Variants in PDE1C observed in about 807,000 individuals in gnomAD.
PDE1C encodes phosphodiesterase 1C, also known as dual specificity calcium/calmodulin-dependent 3',5'-cyclic nucleotide phosphodiesterase 1C.
PDE1C carries 62 observed loss-of-function variants against 93.1 expected under a neutral mutation model. The ratio of observed to expected loss-of-function variants is 0.67; its 90% CI spans 0.54 to 0.82. The LOEUF is 0.82. PDE1C is among the 40% of genes least tolerant of loss of function. The pLI, the probability that PDE1C is intolerant of heterozygous loss-of-function variation, is 0.00. For synonymous variants in PDE1C, 325 were observed against 310.1 expected, an observed-to-expected ratio of 1.05 and a Z score of -0.50; for missense variants, 742 against 884.6, an observed-to-expected ratio of 0.84 and a Z score of 2.04.
intron 1 of PDE1C, among the ~76,000 whole-genome samples, chr7:32,420,863 T>G (rs541648265): frequency 9.2e-5 from 14 of 152,252 alleles, no homozygotes; most frequent in African/African-American, 3.1e-4. Flanking sequence ...CATGGCTCAA[T>G]GTGAGAGTCC....
At chr7:31,852,385 A>C (rs973021671) in intron 7 of PDE1C, among the ~76,000 whole-genome samples, 1 of 152,234 alleles carries the variant, frequency 6.6e-6, no homozygotes, top group Non-Finnish European at 1.5e-5. Context: ...TCAAAGAGAA[A>C]ACAGACTAAG....
At chr7:32,410,863 C>A (rs1180844838) in intron 1 of PDE1C, among the ~76,000 whole-genome samples, 1 of 152,200 alleles carries the variant, frequency 6.6e-6, no homozygotes, top group Non-Finnish European at 1.5e-5. Context: ...TGGCTGTCCA[C>A]CTTTGCTAGT....
intron 2 of PDE1C, among the ~76,000 whole-genome samples, chr7:31,913,209 T>C (rs1382868552): frequency 2.6e-5 from 4 of 152,186 alleles, no homozygotes; most frequent in Non-Finnish European, 5.9e-5. Context: ...CTTTCTTCCA[T>C]GTTATTTACA....
intron 7 of PDE1C, among the ~76,000 whole-genome samples, chr7:31,855,545 C>G (rs1303390363): frequency 6.6e-6 from 1 of 152,046 alleles, no homozygotes; most frequent in African/African-American, 2.4e-5. Context: ...AGCCAAATGT[C>G]TACCAATAAC....
At chr7:32,375,343 G>C (rs986463650) in intron 1 of PDE1C, among the ~76,000 whole-genome samples, 8 of 152,158 alleles carry the variant, frequency 5.3e-5, no homozygotes, top group Admixed American at 1.3e-4. Context: ...GCAGAACAGG[G>C]AGAAGGGATT....
intron 1 of PDE1C, among the ~76,000 whole-genome samples, chr7:32,421,621 G>A (rs1785434309): frequency 6.6e-6 from 1 of 152,150 alleles, no homozygotes; most frequent in Non-Finnish European, 1.5e-5. Context: ...CTGACACCAG[G>A]CTGCCTGGAA....
intron 17 of PDE1C, among the ~76,000 whole-genome samples, chr7:31,765,379 TTTTG>T (rs1170751379): frequency 3.3e-5 from 5 of 152,196 alleles, no homozygotes; most frequent in African/African-American, 1.2e-4. Flanking sequence ...TTCGTTTTCA[TTTTG>T]TTTGTCTTGG....
chr7:31,668,846 A>G, the PDE1C span, among the ~76,000 whole-genome samples: 1 of 151,998 alleles, frequency 6.6e-6, no homozygotes, highest in African/African-American at 2.4e-5. Flanking sequence ...TCAATGAACT[A>G]CTAAAAAAAA....
At chr7:31,627,443 C>A in the PDE1C span, among the ~76,000 whole-genome samples, 3 of 152,056 alleles carry the variant, frequency 2.0e-5, no homozygotes, top group Non-Finnish European at 4.4e-5. Context: ...GGATCACTGA[C>A]GCCCAGGAGT....
At chr7:32,107,742 AGAC>A (rs1216354476) in intron 3 of PDE1C, among the ~76,000 whole-genome samples, 1 of 152,212 alleles carries the variant, frequency 6.6e-6, no homozygotes, top group Non-Finnish European at 1.5e-5. Flanking sequence ...AAATAAATGA[AGAC>A]GAGATAAAAT....
At chr7:32,050,872 C>T (rs975882157) in intron 2 of PDE1C, among the ~76,000 whole-genome samples, 1 of 152,160 alleles carries the variant, frequency 6.6e-6, no homozygotes, top group Non-Finnish European at 1.5e-5. Flanking sequence ...CTTCGGAGGC[C>T]ATGCACTCAA....
chr7:32,120,551 T>A (rs2128763573), intron 3 of PDE1C, among the ~76,000 whole-genome samples: 1 of 152,154 alleles, frequency 6.6e-6, no homozygotes, highest in East Asian at 1.9e-4. Context: ...TTGTTCTCCA[T>A]CCTCCTTGAG....
At chr7:32,385,215 C>T (rs1428511300) in intron 1 of PDE1C, among the ~76,000 whole-genome samples, 1 of 152,168 alleles carries the variant, frequency 6.6e-6, no homozygotes, top group Non-Finnish European at 1.5e-5. Flanking sequence ...GTACTTGCTG[C>T]ATTTTTGAGG....
the PDE1C span, among the ~76,000 whole-genome samples, chr7:31,631,640 A>C: frequency 6.6e-6 from 1 of 152,206 alleles, no homozygotes; most frequent in Non-Finnish European, 1.5e-5. Context: ...ACTGAAGAAC[A>C]AAGGGACTGC....
intron 1 of PDE1C, among the ~76,000 whole-genome samples, chr7:32,425,662 G>A (rs1785511950): frequency 6.6e-6 from 1 of 152,168 alleles, no homozygotes; most frequent in Non-Finnish European, 1.5e-5. Context: ...CCAAACCGGT[G>A]AAAGCAGAAG....
At chr7:32,195,610 G>A (rs1804554249) in intron 2 of PDE1C, among the ~76,000 whole-genome samples, 1 of 152,240 alleles carries the variant, frequency 6.6e-6, no homozygotes, top group South Asian at 2.1e-4. Flanking sequence ...CCAGCACTTT[G>A]GGAGGTCAAG....
chr7:31,976,640 C>A (rs796751252), intron 2 of PDE1C, among the ~76,000 whole-genome samples: 9 of 151,372 alleles, frequency 5.9e-5, no homozygotes, highest in African/African-American at 2.2e-4. Flanking sequence ...AGCCCACTGC[C>A]ACCACTCTGG....
intron 3 of PDE1C, among the ~76,000 whole-genome samples, chr7:32,110,086 T>C (rs1235078742): frequency 6.6e-6 from 1 of 152,138 alleles, no homozygotes; most frequent in African/African-American, 2.4e-5. Flanking sequence ...GTAGACAAAC[T>C]AAGGCCATGG....
At chr7:31,698,353 C>G in the PDE1C span, among the ~76,000 whole-genome samples, 1 of 152,294 alleles carries the variant, frequency 6.6e-6, no homozygotes, top group Middle Eastern at 3.4e-3. Context: ...TCCACCTCTT[C>G]TTCTCTTCCC....
Sources: gnomAD v4.1 joint callset for allele counts (sites outside exome capture counted in the v4.1 genomes callset) on GRCh38, gnomAD v4.1.1 for gene constraint, MANE v1.5 for transcripts, NCBI Gene and HGNC (gene_info 2026-07-23, HGNC 2026-07-21) for gene names.